Variants in NAV2 observed in about 807,000 individuals in gnomAD.
The protein encoded by NAV2 is neuron navigator 2, also known as helicase, APC down-regulated 1.
NAV2 carries 54 observed loss-of-function variants against 223.2 expected under a neutral mutation model. That is an observed-to-expected ratio of 0.24 (90% CI 0.19 to 0.30). The LOEUF (loss-of-function observed/expected upper bound fraction) is 0.30, where lower values mean the gene tolerates loss of function less well. Ranked by LOEUF, NAV2 falls within the 10% of genes least tolerant of loss-of-function variation. The probability of loss-of-function intolerance (pLI) is 1.00; values close to 1 mark genes in which losing one functional copy is unlikely to be tolerated. For missense variants in NAV2, 2,806 were observed against 3,147.5 expected (o/e 0.89, Z 2.60); for synonymous variants, 1,279 against 1,239.3 (o/e 1.03, Z -0.67).
intron 1 of NAV2, among the ~76,000 whole-genome samples, chr11:19,382,603 G>A (rs56190229): frequency 0.027 from 4,044 of 152,268 alleles, 88 homozygotes; most frequent in Admixed American, 0.066. Context: ...ACTGCGGCCC[G>A]AAGTCTAATG....
chr11:19,944,705 T>TTTCCTTCCTTCCTTCCTTCC lies in NAV2; in HGVS notation c.2147-1689_2147-1670dup, dbSNP rs369457220. Among the ~76,000 whole-genome samples the TTTCCTTCCTTCCTTCCTTCC allele has an allele frequency of 8.8e-3, 1,273 of 145,252 alleles. 27 individuals are homozygous for TTTCCTTCCTTCCTTCCTTCC. The highest frequency in any genetic ancestry group is 0.033 in the African/African-American group (1,202 of 36,726). ...TTCTCTTTTCTTTCTTTCTTCCTTC[T>TTTCCTTCCTTCCTTCCTTCC]TTCCTTCCTTCCTTCCTTCCTTCCT... is the stretch of plus-strand genomic sequence containing the variant. On this transcript the variant is annotated intron_variant, in intron 8 of 37. Transcript: ENST00000349880.
At chr11:19,455,145 C>T (rs1300280283) in intron 1 of NAV2, among the ~76,000 whole-genome samples, 1 of 152,118 alleles carries the variant, frequency 6.6e-6, no homozygotes. Flanking sequence ...ACTGGTAGGT[C>T]TTGGTAGGGC....
At chr11:20,008,212 C>T (rs2053249672) in intron 11 of NAV2, among the ~76,000 whole-genome samples, 1 of 152,006 alleles carries the variant, frequency 6.6e-6, no homozygotes, top group Admixed American at 6.6e-5. Context: ...ACTAAAAACA[C>T]AAAAATTAGC....
chr11:19,399,495 G>A (rs1849597085), intron 1 of NAV2, among the ~76,000 whole-genome samples: 2 of 152,280 alleles, frequency 1.3e-5, no homozygotes, highest in East Asian at 1.9e-4. Flanking sequence ...CAGTGTAGGT[G>A]GACAGGGGAC....
chr11:19,672,337 C>T (rs1241423140), intron 1 of NAV2, among the ~76,000 whole-genome samples: 1 of 150,782 alleles, frequency 6.6e-6, no homozygotes, highest in African/African-American at 2.4e-5. Flanking sequence ...CCTGAATGTG[C>T]ATTCAACCCT....
chr11:19,833,257 T>C (rs146369652), intron 2 of NAV2, among the ~76,000 whole-genome samples: 151 of 152,282 alleles, frequency 9.9e-4, no homozygotes, highest in African/African-American at 3.3e-3. Flanking sequence ...TACAGGTCAA[T>C]TGGACAGCAT....
At chr11:19,611,636 C>G (rs1055112338) in intron 1 of NAV2, among the ~76,000 whole-genome samples, 2 of 152,204 alleles carry the variant, frequency 1.3e-5, no homozygotes, top group African/African-American at 4.8e-5. Context: ...CCAAAATGAT[C>G]TTTTCTGACT....
At chr11:19,507,513 G>A (rs1306666946) in intron 1 of NAV2, among the ~76,000 whole-genome samples, 1 of 152,146 alleles carries the variant, frequency 6.6e-6, no homozygotes, top group Non-Finnish European at 1.5e-5. Flanking sequence ...TTTGGAGCCT[G>A]GGTTTGAATC....
chr11:19,904,383 A>G (rs2042692948), intron 6 of NAV2, among the ~76,000 whole-genome samples: 1 of 152,152 alleles, frequency 6.6e-6, no homozygotes, highest in Non-Finnish European at 1.5e-5. Context: ...AAACAGTATC[A>G]TTACATTTTG....
chr11:19,977,523 T>C (rs2153439559), intron 10 of NAV2, among the ~76,000 whole-genome samples: 2 of 152,352 alleles, frequency 1.3e-5, no homozygotes, highest in Admixed American at 1.3e-4. Flanking sequence ...CTGCAACATG[T>C]CTCTGAACTT....
intron 1 of NAV2, among the ~76,000 whole-genome samples, chr11:19,473,432 G>T (rs2042025265): frequency 6.6e-6 from 1 of 152,096 alleles, no homozygotes; most frequent in Non-Finnish European, 1.5e-5. Context: ...TAATTCGTAA[G>T]TCAGCATATA....
chr11:19,652,001 G>A (rs559780883), intron 1 of NAV2, among the ~76,000 whole-genome samples: 68 of 152,316 alleles, frequency 4.5e-4, no homozygotes, highest in African/African-American at 1.3e-3. Flanking sequence ...GAGTGACAGC[G>A]TAAGAAAGCT....
At chr11:19,950,899 AG>A (rs149360069) in intron 10 of NAV2, among the ~76,000 whole-genome samples, 1,922 of 152,316 alleles carry the variant, frequency 0.013, 48 homozygotes, top group African/African-American at 0.045. Context: ...TGGGCAAAAA[AG>A]GTATGATCTA....
intron 36 of NAV2, among the ~76,000 whole-genome samples, chr11:20,108,404 T>G (rs891923720): frequency 6.6e-6 from 1 of 152,184 alleles, no homozygotes; most frequent in African/African-American, 2.4e-5. Flanking sequence ...CCCATAAGGC[T>G]GCCAGTTCCT....
intron 11 of NAV2, among the ~76,000 whole-genome samples, chr11:20,020,660 C>A (rs78236971): frequency 6.6e-6 from 1 of 152,098 alleles, no homozygotes; most frequent in Non-Finnish European, 1.5e-5. Context: ...AATAAACTCA[C>A]CCCTGTAAAA....
chr11:19,482,524 G>A (rs1048674555), intron 1 of NAV2, among the ~76,000 whole-genome samples: 1 of 152,212 alleles, frequency 6.6e-6, no homozygotes, highest in Admixed American at 6.5e-5. Flanking sequence ...TGAATTCACT[G>A]TAAATGGAGA....
chr11:19,924,668 A>G (rs1027154190), intron 6 of NAV2, among the ~76,000 whole-genome samples: 1 of 152,232 alleles, frequency 6.6e-6, no homozygotes, highest in Non-Finnish European at 1.5e-5. Flanking sequence ...CAAAATCTCC[A>G]CCATGCATAG....
rs181272912 is a variant in NAV2 at position 19,985,981 on chromosome 11, G to A, written c.2768+1734G>A. On this transcript the variant is annotated intron_variant, in intron 11 of 37. Coordinates refer to ENST00000349880, the MANE Select transcript of NAV2 (RefSeq NM_145117.5). ...CAGTTGCTACAACACCCCCACTGGA[G>A]ATTTGACAATTTGCCAAATTATTTT... Among the ~76,000 whole-genome samples the A allele has an allele frequency of 2.1e-3, 318 of 152,288 alleles. 1 individual carries two copies. Among genetic ancestry groups the A allele is most frequent in the Non-Finnish European group, 3.0e-3 (203 of 68,022 alleles).
chr11:19,700,308 T>C (rs1234064109), intron 1 of NAV2, among the ~76,000 whole-genome samples: 1 of 152,216 alleles, frequency 6.6e-6, no homozygotes, highest in African/African-American at 2.4e-5. Flanking sequence ...ACACTGCCAG[T>C]AAGTGGCACA....
Sources: gnomAD v4.1 joint callset for allele counts (sites outside exome capture counted in the v4.1 genomes callset) on GRCh38, gnomAD v4.1.1 for gene constraint, MANE v1.5 for transcripts, NCBI Gene and HGNC (gene_info 2026-07-23, HGNC 2026-07-21) for gene names.